The following KCNH7 variants were observed in gnomAD, a reference collection of about 807,000 sequenced individuals.
The protein encoded by KCNH7 is potassium voltage-gated channel subfamily H member 7.
Under a neutral mutation model 120.8 loss-of-function variants are expected in KCNH7, and 49 were observed. The ratio of observed to expected loss-of-function variants is 0.41; its 90% CI spans 0.32 to 0.51. The LOEUF is 0.51. KCNH7 is among the 20% of genes least tolerant of loss of function. The pLI is 0.38. For synonymous variants in KCNH7, 547 were observed against 516.1 expected (o/e 1.06, Z -0.81); for missense variants, 1,097 against 1,446.6 (o/e 0.76, Z 3.92).
intron 2 of KCNH7, among the ~76,000 whole-genome samples, chr2:162,790,201 T>C (rs1479119658): frequency 6.6e-6 from 1 of 151,910 alleles, no homozygotes; most frequent in African/African-American, 2.4e-5. Flanking sequence ...ACTATTTGTA[T>C]AATAATTCAC....
chr2:162,822,615 C>A (rs867969), intron 2 of KCNH7, among the ~76,000 whole-genome samples: 75,593 of 151,996 alleles, frequency 0.5, 20,338 homozygotes, highest in South Asian at 0.72. Flanking sequence ...ATAGATCAAA[C>A]GGAAACTTGG....
intron 9 of KCNH7, among the ~76,000 whole-genome samples, chr2:162,412,544 A>C (rs1687420333): frequency 6.6e-6 from 1 of 152,158 alleles, no homozygotes; most frequent in South Asian, 2.1e-4. Context: ...GAGAAGAAAA[A>C]TGGCCAGCTA....
intron 2 of KCNH7, among the ~76,000 whole-genome samples, chr2:162,607,482 A>G (rs1360340728): frequency 6.6e-6 from 1 of 152,058 alleles, no homozygotes; most frequent in African/African-American, 2.4e-5. Context: ...TTTTTTTCAT[A>G]TCTTTATTTG....
chr2:162,810,072 C>T lies in KCNH7; in HGVS notation c.307+26465G>A, dbSNP rs1178445627. On this transcript the variant is annotated intron_variant, in intron 2 of 15. Coordinates refer to ENST00000332142, the MANE Select transcript of KCNH7 (RefSeq NM_033272.4). Reference sequence around the variant, plus strand: ...CTGGGACTACAGGCGCCCGCCACCACGCCCAGCTAATTTTTTGTATTTTTA... The same window carrying T: ...CTGGGACTACAGGCGCCCGCCACCATGCCCAGCTAATTTTTTGTATTTTTA... Among the ~76,000 whole-genome samples, 3 of 74,898 alleles carry T rather than the reference C, an allele frequency of 4.0e-5. 1 individual carries two copies. Among genetic ancestry groups the T allele is most frequent in the East Asian group, 3.5e-4 (1 of 2,864 alleles). The allele number at this position is 74,898 out of a possible 152,430, so 49.1% of individuals were successfully genotyped here. A position where few individuals can be genotyped will look rare whatever the true frequency, so the allele number is the denominator to read the frequency against.
chr2:162,528,135 G>GA (rs544551056), intron 3 of KCNH7: 2 of 151,778 alleles, frequency 1.3e-5, no homozygotes, highest in Non-Finnish European at 2.9e-5. Context: ...ATTATTAAAG[G>GA]AAAAAAATAA....
intron 2 of KCNH7, among the ~76,000 whole-genome samples, chr2:162,820,033 C>CTTTTTTTTTTTTTTT (rs66809770): frequency 1.3e-5 from 1 of 77,040 alleles, no homozygotes; most frequent in African/African-American, 5.0e-5. Flanking sequence ...ATTCCATAAA[C>CTTTTTTTTTTTTTTT]TTTTTTTTTT....
intron 12 of KCNH7, among the ~76,000 whole-genome samples, chr2:162,389,990 G>GCAC (rs1316600856): frequency 6.6e-6 from 1 of 151,846 alleles, no homozygotes. Flanking sequence ...AAAACTCAGG[G>GCAC]CACTTAGCAC....
At chr2:162,411,772 AT>A (rs1445052976) in intron 9 of KCNH7, among the ~76,000 whole-genome samples, 1 of 151,656 alleles carries the variant, frequency 6.6e-6, no homozygotes, top group East Asian at 1.9e-4. Flanking sequence ...TTTTAATTAA[AT>A]TTTTAAAATT....
chr2:162,471,388 G>A (rs1400108429), intron 6 of KCNH7, among the ~76,000 whole-genome samples: 1 of 152,094 alleles, frequency 6.6e-6, no homozygotes, highest in East Asian at 1.9e-4. Context: ...GTTTCTATAT[G>A]TGTGCATTTG....
chr2:162,721,331 T>G (rs1687319271), intron 2 of KCNH7, among the ~76,000 whole-genome samples: 1 of 152,180 alleles, frequency 6.6e-6, no homozygotes. Flanking sequence ...CTATTGTGGG[T>G]CAGCCATGCT....
At chr2:162,786,539 T>C (rs1402844894) in intron 2 of KCNH7, among the ~76,000 whole-genome samples, 1 of 152,202 alleles carries the variant, frequency 6.6e-6, no homozygotes, top group Non-Finnish European at 1.5e-5. Flanking sequence ...ATATGATTTT[T>C]ATAGATTCTG....
At chr2:162,504,809 G>A (rs1690814882) in intron 5 of KCNH7, 152 bp from the exon 6 acceptor site, 3 of 606,526 alleles carry the variant, frequency 4.9e-6, no homozygotes, top group Non-Finnish European at 8.8e-6. Flanking sequence ...CAGGGCTTAG[G>A]GTCACCTTGG....
chr2:162,526,485 G>GC (rs1007311029), intron 3 of KCNH7, among the ~76,000 whole-genome samples: 7 of 151,586 alleles, frequency 4.6e-5, no homozygotes, highest in South Asian at 4.2e-4. Flanking sequence ...AAAAGACGCC[G>GC]CCCCCCCGAA....
At chr2:162,817,517 C>T (rs936100010) in intron 2 of KCNH7, among the ~76,000 whole-genome samples, 1 of 151,894 alleles carries the variant, frequency 6.6e-6, no homozygotes, top group African/African-American at 2.4e-5. Flanking sequence ...AAATGAAAAC[C>T]ACTATAAATA....
chr2:162,521,697 A>G (rs1691530623), intron 3 of KCNH7, among the ~76,000 whole-genome samples: 1 of 151,922 alleles, frequency 6.6e-6, no homozygotes, highest in African/African-American at 2.4e-5. Context: ...TAATGATCAA[A>G]TCAGTGTAAT....
At chr2:162,648,011 T>C (rs371080950) in intron 2 of KCNH7, among the ~76,000 whole-genome samples, 1 of 152,122 alleles carries the variant, frequency 6.6e-6, no homozygotes, top group East Asian at 1.9e-4. Context: ...ATAATATTGG[T>C]TCATAAGAAG....
intron 2 of KCNH7, among the ~76,000 whole-genome samples, chr2:162,799,029 A>T (rs1473834190): frequency 6.6e-6 from 1 of 152,082 alleles, no homozygotes; most frequent in Non-Finnish European, 1.5e-5. Flanking sequence ...TTTATGATTA[A>T]TTCTAGTATA....
At chr2:162,501,097 G>A (rs1690670547) in intron 6 of KCNH7, among the ~76,000 whole-genome samples, 1 of 151,954 alleles carries the variant, frequency 6.6e-6, no homozygotes, top group Admixed American at 6.6e-5. Context: ...TTTGACATGT[G>A]GACAATTGGA....
chr2:162,685,642 C>G (rs925068136), intron 2 of KCNH7, among the ~76,000 whole-genome samples: 1 of 150,972 alleles, frequency 6.6e-6, no homozygotes, highest in African/African-American at 2.4e-5. Context: ...AAGGAACACA[C>G]AAGTGAATGG....
Sources: allele counts gnomAD v4.1 joint callset (sites outside exome capture counted in the v4.1 genomes callset), GRCh38; gene constraint gnomAD v4.1.1; transcripts MANE v1.5; gene names NCBI Gene and HGNC (gene_info 2026-07-23, HGNC 2026-07-21).